B3GALT1: variants seen among roughly 807,000 people sequenced by gnomAD.
The protein encoded by B3GALT1 is UDP-Gal:betaGlcNAc beta 1,3-galactosyltransferase, polypeptide 1.
In B3GALT1, 10 loss-of-function variants were observed where a neutral mutation model predicts 23.2. That is an observed-to-expected ratio of 0.43 (90% CI 0.27 to 0.73). The LOEUF (loss-of-function observed/expected upper bound fraction) is 0.73. Ranked by LOEUF, B3GALT1 falls within the 30% of genes least tolerant of loss-of-function variation. The pLI is 0.21. For synonymous variants in B3GALT1, 156 were observed against 141.5 expected (o/e 1.10, Z -0.73); for missense variants, 299 against 405.4 (o/e 0.74, Z 2.25).
chr2:167,686,804 GT>G (rs1254650765), intron 3 of B3GALT1, among the ~76,000 whole-genome samples: 2 of 152,068 alleles, frequency 1.3e-5, no homozygotes, highest in African/African-American at 4.8e-5. Context: ...GCCTAAACTT[GT>G]GGGTACTGAC....
intron 2 of B3GALT1, among the ~76,000 whole-genome samples, chr2:167,560,247 A>T (rs900860123): frequency 6.6e-6 from 1 of 152,174 alleles, no homozygotes; most frequent in African/African-American, 2.4e-5. Context: ...TTACAGACAA[A>T]CAAATGCTGA....
At chr2:167,298,959 T>C (rs1350766208) in intron 1 of B3GALT1, among the ~76,000 whole-genome samples, 1 of 152,128 alleles carries the variant, frequency 6.6e-6, no homozygotes, top group African/African-American at 2.4e-5. Context: ...AAAACCTCTT[T>C]CTTGGTTCTC....
At chr2:167,544,229 A>G (rs62196687) in intron 2 of B3GALT1, among the ~76,000 whole-genome samples, 41 of 152,282 alleles carry the variant, frequency 2.7e-4, no homozygotes, top group Non-Finnish European at 4.4e-4. Flanking sequence ...ACTTGATCCA[A>G]CCCCTAGCTC....
At chr2:167,495,118 G>A (rs750881883) in intron 2 of B3GALT1, among the ~76,000 whole-genome samples, 1 of 152,144 alleles carries the variant, frequency 6.6e-6, no homozygotes, top group Non-Finnish European at 1.5e-5. Context: ...AGTAGAGAAA[G>A]CATAAATGAG....
chr2:167,653,706 C>T (rs926173680), intron 3 of B3GALT1, among the ~76,000 whole-genome samples: 33 of 152,180 alleles, frequency 2.2e-4, no homozygotes, highest in Admixed American at 3.3e-4. Flanking sequence ...CACCCAGTGT[C>T]GAGGGTCTAT....
At chr2:167,627,692 G>C (rs1044606038) in intron 2 of B3GALT1, among the ~76,000 whole-genome samples, 1 of 151,604 alleles carries the variant, frequency 6.6e-6, no homozygotes, top group African/African-American at 2.4e-5. Flanking sequence ...AGACCTGGGA[G>C]TGGAACAACT....
intron 2 of B3GALT1, among the ~76,000 whole-genome samples, chr2:167,607,634 G>A (rs985203699): frequency 6.6e-6 from 1 of 152,212 alleles, no homozygotes; most frequent in African/African-American, 2.4e-5. Flanking sequence ...TTAAGCATGA[G>A]TTTTGGCACT....
At chr2:167,371,831 A>G (rs1304950945) in intron 1 of B3GALT1, among the ~76,000 whole-genome samples, 2 of 151,926 alleles carry the variant, frequency 1.3e-5, no homozygotes, top group Non-Finnish European at 2.9e-5. Context: ...TGCTATAGCA[A>G]TTATAAAATT....
chr2:167,451,537 T>C (rs1438553214), intron 1 of B3GALT1, among the ~76,000 whole-genome samples: 1 of 152,184 alleles, frequency 6.6e-6, no homozygotes, highest in Non-Finnish European at 1.5e-5. Context: ...CAGAGTCCTG[T>C]GCTGTGAACC....
intron 1 of B3GALT1, among the ~76,000 whole-genome samples, chr2:167,450,727 T>C (rs981133668): frequency 6.6e-6 from 1 of 152,198 alleles, no homozygotes; most frequent in African/African-American, 2.4e-5. Flanking sequence ...TTCTTGTATT[T>C]GGATATCTAG....
chr2:167,609,559 G>C (rs769619553), intron 2 of B3GALT1, among the ~76,000 whole-genome samples: 3 of 152,052 alleles, frequency 2.0e-5, no homozygotes, highest in Admixed American at 6.6e-5. Flanking sequence ...ACAACTTCCA[G>C]TGGTTGTTAC....
At chr2:167,324,226 A>T (rs1696855559) in intron 1 of B3GALT1, among the ~76,000 whole-genome samples, 1 of 152,112 alleles carries the variant, frequency 6.6e-6, no homozygotes, top group Non-Finnish European at 1.5e-5. Context: ...TATGGGCCAA[A>T]ATTACCATAC....
At chr2:167,805,089 A>G in intron 3 of B3GALT1, among the ~76,000 whole-genome samples, 1 of 152,090 alleles carries the variant, frequency 6.6e-6, no homozygotes, top group East Asian at 1.9e-4. Context: ...GATGATGAGC[A>G]TTTTTTCATG....
At chr2:167,861,774 A>G (rs180914020) in intron 4 of B3GALT1, among the ~76,000 whole-genome samples, 11 of 152,264 alleles carry the variant, frequency 7.2e-5, no homozygotes, top group African/African-American at 2.6e-4. Flanking sequence ...CTAGAAAGTA[A>G]GAGAGAGGAG....
chr2:167,639,569 C>T (rs1348858775), intron 2 of B3GALT1, among the ~76,000 whole-genome samples: 6 of 146,626 alleles, frequency 4.1e-5, no homozygotes, highest in Admixed American at 1.4e-4. Context: ...TTAATTTAAT[C>T]CAGAAGCTTT....
chr2:167,772,451 G>A (rs940435920), intron 3 of B3GALT1, among the ~76,000 whole-genome samples: 1 of 152,088 alleles, frequency 6.6e-6, no homozygotes, highest in Non-Finnish European at 1.5e-5. Flanking sequence ...CCTTAAAGTT[G>A]CACTACTGAA....
intron 1 of B3GALT1, among the ~76,000 whole-genome samples, chr2:167,423,050 G>T (rs1046235472): frequency 6.6e-6 from 1 of 152,136 alleles, no homozygotes; most frequent in African/African-American, 2.4e-5. Context: ...TCTCAAAGGA[G>T]AAAAATACAG....
At chr2:167,561,694 T>C (rs974538728) in intron 2 of B3GALT1, among the ~76,000 whole-genome samples, 1 of 152,170 alleles carries the variant, frequency 6.6e-6, no homozygotes. Context: ...GCAAATAAAG[T>C]AGAAAATCTA....
At chr2:167,851,671 G>A (rs1018632057) in intron 4 of B3GALT1, among the ~76,000 whole-genome samples, 1 of 152,180 alleles carries the variant, frequency 6.6e-6, no homozygotes, top group Non-Finnish European at 1.5e-5. Context: ...ACTTCTTTCA[G>A]AACTCCATGA....
Sources: allele counts gnomAD v4.1 joint callset (sites outside exome capture counted in the v4.1 genomes callset), GRCh38; gene constraint gnomAD v4.1.1; transcripts MANE v1.5; gene names NCBI Gene and HGNC (gene_info 2026-07-23, HGNC 2026-07-21).